BTBD7: variants seen among roughly 807,000 people sequenced by gnomAD.
BTBD7 encodes the protein BTB domain containing 7, also known as BTB/POZ domain-containing protein 7.
BTBD7 carries 38 observed loss-of-function variants against 99.9 expected under a neutral mutation model. The ratio of observed to expected loss-of-function variants is 0.38; its 90% CI spans 0.29 to 0.50. BTBD7 has a LOEUF of 0.50. BTBD7 is among the 20% of genes least tolerant of loss of function. BTBD7 has a pLI of 0.93. For synonymous variants in BTBD7, 520 were observed against 511.4 expected, an observed-to-expected ratio of 1.02 and a Z score of -0.23; for missense variants, 1,170 against 1,394.6, an observed-to-expected ratio of 0.84 and a Z score of 2.57.
rs572881585 is a variant in BTBD7, at chr14:93,300,537, T to A, written c.-106-4380A>T. ...TCCCAAAGTGCTGGGATTACAGGCA[T>A]GAGCCACTGGGTGCCCGGCCCTTTT... On this transcript the variant is annotated intron_variant, in intron 1 of 10. Coordinates refer to ENST00000334746, the MANE Select transcript of BTBD7 (RefSeq NM_001002860.4). 2.6e-5 allele frequency among the ~76,000 whole-genome samples: 4 copies of A among 152,086 alleles called. No individual in the cohort carries two copies. In the South Asian group the frequency reaches 8.3e-4, roughly 32 times the overall value.
chr14:93,317,566 A>G (rs767886589), intron 1 of BTBD7, among the ~76,000 whole-genome samples: 13 of 152,164 alleles, frequency 8.5e-5, no homozygotes, highest in Non-Finnish European at 1.8e-4. Flanking sequence ...CATAACATAA[A>G]GTGATAATTG....
At chr14:93,307,369 T>C (rs2139796489) in intron 1 of BTBD7, among the ~76,000 whole-genome samples, 1 of 152,274 alleles carries the variant, frequency 6.6e-6, no homozygotes, top group South Asian at 2.1e-4. Flanking sequence ...TTGTCCAGGC[T>C]GGTCTTGAAC....
chr14:93,242,451 G>T lies in BTBD7; in HGVS notation c.3221C>A (p.Ser1074Ter). ...AGCTTCAGAGCTACATGCAGAAAGT[G>T]AAGGTCTGTTAGGAGTCAGCCCAAA... ...LTFGLTPNRPSLSACSSEAPE... is the reference protein window; with the variant it reads ...LTFGLTPNRP Residue 1074 changes from serine to a stop codon, truncating the protein, a stop_gained, in exon 11 of 11, where the codon TCA becomes TAA. Coordinates refer to ENST00000334746, the MANE Select transcript of BTBD7 (RefSeq NM_001002860.4). LOFTEE classifies it high-confidence loss of function. 6.2e-7 allele frequency: 1 copy of T among 1,614,250 alleles called. No homozygotes were observed. The highest frequency in any genetic ancestry group is 8.5e-7 in the Non-Finnish European group (1 of 1,180,044).
chr14:93,297,465 G>C (rs2052943144), intron 1 of BTBD7, among the ~76,000 whole-genome samples: 1 of 152,174 alleles, frequency 6.6e-6, no homozygotes, highest in Admixed American at 6.5e-5. Context: ...TGGGACTACA[G>C]GTGAGCGCCA....
chr14:93,252,082 G>A (rs546168685), intron 7 of BTBD7, among the ~76,000 whole-genome samples: 68 of 152,194 alleles, frequency 4.5e-4, no homozygotes, highest in African/African-American at 1.5e-3. Context: ...GGCTGAGGTG[G>A]GTAGATCACC....
chr14:93,287,623 T>C (rs572921306), intron 3 of BTBD7: 1 of 152,314 alleles, frequency 6.6e-6, no homozygotes, highest in Non-Finnish European at 1.5e-5. Context: ...ACAAGAGCCA[T>C]AAAATTGCTT....
At chr14:93,309,282 G>C (rs556644120) in intron 1 of BTBD7, among the ~76,000 whole-genome samples, 8 of 151,940 alleles carry the variant, frequency 5.3e-5, no homozygotes, top group African/African-American at 1.9e-4. Flanking sequence ...ACTTTAAAGT[G>C]ACTTATCCAA....
At position 93,294,925 on chromosome 14, in the gene BTBD7, T is replaced by C. The variant is rs371273398; in HGVS notation, c.95A>G (p.Tyr32Cys). 79 of 1,563,472 alleles carry C rather than the reference T, an allele frequency of 5.1e-5. No individual in the cohort carries two copies. Among genetic ancestry groups the C allele is most frequent in the Non-Finnish European group, 6.7e-5 (78 of 1,161,460 alleles). ...TTCGCAACCATAGCCTTGCTGAGAA[T>C]AGGATGAGGTCCCTAAGAAAAAAAT... ...AQQTFIGTSSYSQQGYGCESK... is the reference protein window; with the variant it reads ...AQQTFIGTSSCSQQGYGCESK... Residue 32 changes from tyrosine (Y) to cysteine (C), a missense_variant, in exon 3 of 11, where the codon TAT becomes TGT. By Grantham distance (194) the Tyr-to-Cys change is radical. Around this residue, in one of 4 missense-constraint regions of BTBD7, gnomAD observed 359 missense variants for 497.9 expected, o/e 0.72. Transcript: ENST00000334746.
rs2053441331 is a variant in BTBD7 at position 93,332,244 on chromosome 14, T to C, written c.-107+576A>G. The C allele has an allele frequency of 2.6e-5, 4 of 152,276 alleles. No homozygotes were observed. In the South Asian group the frequency reaches 8.3e-4, roughly 32 times the overall value. The allele number at this position is 152,276 out of a possible 1,614,324, so 9.4% of individuals were successfully genotyped here. A position where few individuals can be genotyped will look rare whatever the true frequency, so the allele number is the denominator to read the frequency against. On this transcript the variant is annotated intron_variant, in intron 1 of 10. Transcript: ENST00000334746. ...CCTCTTCTTTATCAAACACTCGGTA[T>C]TGTCTCCCTCCCAACCTGTCAAAGC...
intron 1 of BTBD7, among the ~76,000 whole-genome samples, chr14:93,321,871 G>A (rs901240054): frequency 1.3e-5 from 2 of 152,098 alleles, no homozygotes; most frequent in African/African-American, 4.8e-5. Flanking sequence ...GAAAGTGTGA[G>A]CTTTCCTCTT....
chr14:93,290,511 CT>C (rs10548430), intron 3 of BTBD7, among the ~76,000 whole-genome samples: 45,802 of 76,062 alleles, frequency 0.6, 13,498 homozygotes, highest in East Asian at 0.71. Context: ...TGCACTTGGC[CT>C]TTTTTTTTTT....
intron 3 of BTBD7, among the ~76,000 whole-genome samples, chr14:93,266,695 G>A (rs1192954101): frequency 6.6e-6 from 1 of 152,186 alleles, no homozygotes; most frequent in Non-Finnish European, 1.5e-5. Flanking sequence ...CCTGACACTG[G>A]AAAGGAACTA....
At chr14:93,253,833 T>A in intron 6 of BTBD7, 43 bp from the exon 7 acceptor site, 3 of 979,688 alleles carry the variant, frequency 3.1e-6, no homozygotes, top group Non-Finnish European at 4.3e-6. Context: ...TGTGTAGTAC[T>A]ATAATACTAC....
intron 1 of BTBD7, among the ~76,000 whole-genome samples, chr14:93,331,998 G>A (rs2053432437): frequency 6.6e-6 from 1 of 151,750 alleles, no homozygotes. Flanking sequence ...AGATAACCAA[G>A]ACTGCTTCTG....
chr14:93,246,939 T>C (rs1031435044), intron 9 of BTBD7, among the ~76,000 whole-genome samples: 4 of 150,656 alleles, frequency 2.7e-5, no homozygotes, highest in African/African-American at 9.7e-5. Flanking sequence ...CAGTAGAAAA[T>C]TAGGACAGCA....
At chr14:93,308,041 T>A (rs1026053290) in intron 1 of BTBD7, among the ~76,000 whole-genome samples, 2 of 152,052 alleles carry the variant, frequency 1.3e-5, no homozygotes, top group African/African-American at 4.8e-5. Context: ...AATCCTGTAA[T>A]CCCAGCACTT....
rs532313698 is a variant in BTBD7 at position 93,328,496 on chromosome 14, C to T, written c.-107+4324G>A. Reference sequence around the variant, plus strand: ...TAATTTTCAACAAAGGTGCCAAGACCATTTAATGGGAAATGGACAGTTTTC... The same window carrying T: ...TAATTTTCAACAAAGGTGCCAAGACTATTTAATGGGAAATGGACAGTTTTC... On this transcript the variant is annotated intron_variant, in intron 1 of 10. Transcript: ENST00000334746. Among the ~76,000 whole-genome samples, 5 of 151,038 alleles carry T rather than the reference C, an allele frequency of 3.3e-5. No individual in the cohort carries two copies. The East Asian group carries it at 9.8e-4, about 30-fold the overall frequency.
rs140392497 is a variant in BTBD7, at chr14:93,329,603, T to C, written c.-107+3217A>G. Among the ~76,000 whole-genome samples, 211 of 152,324 alleles carry C rather than the reference T, an allele frequency of 1.4e-3. 7 individuals are homozygous for C. The highest frequency in any genetic ancestry group is 0.012 in the Admixed American group (181 of 15,300). On this transcript the variant is annotated intron_variant, in intron 1 of 10. Coordinates refer to ENST00000334746, the MANE Select transcript of BTBD7 (RefSeq NM_001002860.4). ...ATAAAAATAACATACAATGGAATAT[T>C]ATTCAGCCTTAAAAAGAAAGCAAAT...
chr14:93,283,121 A>G (rs924269192), intron 3 of BTBD7, among the ~76,000 whole-genome samples: 1 of 152,194 alleles, frequency 6.6e-6, no homozygotes, highest in Non-Finnish European at 1.5e-5. Context: ...TCTGTCGCCC[A>G]GGTTGGAGTG....
Sources: allele counts gnomAD v4.1 joint callset (sites outside exome capture counted in the v4.1 genomes callset), GRCh38; gene constraint gnomAD v4.1.1; regional missense constraint gnomAD v4.1.1; transcripts MANE v1.5; gene names NCBI Gene and HGNC (gene_info 2026-07-23, HGNC 2026-07-21).